Variants in RAP1GAP2 observed in about 807,000 individuals in gnomAD.
RAP1GAP2 encodes the protein RAP1 GTPase activating protein 2.
A neutral mutation model predicts 95.0 loss-of-function variants in RAP1GAP2; 27 were observed. The ratio of observed to expected loss-of-function variants is 0.28; its 90% CI spans 0.21 to 0.39. The LOEUF (loss-of-function observed/expected upper bound fraction) is 0.39. Ranked by LOEUF, RAP1GAP2 falls within the 10% of genes least tolerant of loss-of-function variation. RAP1GAP2 has a pLI of 1.00. For missense variants in RAP1GAP2, 771 were observed against 970.0 expected, an observed-to-expected ratio of 0.79 and a Z score of 2.72; for synonymous variants, 373 against 380.9, an observed-to-expected ratio of 0.98 and a Z score of 0.24.
At chr17:2,887,684 T>TG (rs2073547706) in intron 2 of RAP1GAP2, among the ~76,000 whole-genome samples, 1 of 150,590 alleles carries the variant, frequency 6.6e-6, no homozygotes, top group Non-Finnish European at 1.5e-5. Flanking sequence ...TTTTTTGTTT[T>TG]TTTTTTTTGA....
In RAP1GAP2 at chr17:2,870,309, G is replaced by A. The variant is rs567830118; in HGVS notation, c.81-34975G>A. Among the ~76,000 whole-genome samples the A allele has an allele frequency of 2.0e-5, 3 of 151,956 alleles. No individual in the cohort carries two copies. The highest frequency in any genetic ancestry group is 2.9e-5 in the Non-Finnish European group (2 of 67,980). The stretch of plus-strand genomic sequence containing the variant: ...TTTTTTTGTATTTTTAGTAAATACG[G>A]GGTTTTACTATGTTGGCCAGGCTGG... On this transcript the variant is annotated intron_variant, in intron 2 of 24. Coordinates refer to ENST00000254695, the MANE Select transcript of RAP1GAP2 (RefSeq NM_015085.5). The surrounding 1 kb of genome is among the most constrained non-coding windows in gnomAD (Gnocchi z 4.4).
At chr17:2,885,209 T>A (rs907622862) in intron 2 of RAP1GAP2, among the ~76,000 whole-genome samples, 1 of 152,046 alleles carries the variant, frequency 6.6e-6, no homozygotes, top group Non-Finnish European at 1.5e-5. Context: ...ATTTTTTGTA[T>A]TTCTGGTAGA....
rs527476563 is a variant in RAP1GAP2 at position 2,796,867 on chromosome 17, C to T, written c.44+296C>T. ...AGTTGAATGTGTGTGTCTCTGTGTC[C>T]GCAGGTTCCCATGTATGTGTGTGCG... On this transcript the variant is annotated intron_variant, in intron 1 of 24. Transcript: ENST00000254695. This position sits in a 1 kb window ranked among gnomAD's most constrained non-coding sequence, Gnocchi z 4.7. Among the ~76,000 whole-genome samples, 8 of 152,060 alleles carry T rather than the reference C, an allele frequency of 5.3e-5. No homozygotes were observed. The East Asian group carries it at 9.7e-4, about 18-fold the overall frequency.
intron 1 of RAP1GAP2, among the ~76,000 whole-genome samples, chr17:2,763,986 T>G (rs2068232578): frequency 6.6e-6 from 1 of 152,112 alleles, no homozygotes. Context: ...AGAGACCCTG[T>G]GCCTCTGCTG....
At chr17:2,927,433 G>GT (rs1318748008) in intron 3 of RAP1GAP2, among the ~76,000 whole-genome samples, 2 of 151,688 alleles carry the variant, frequency 1.3e-5, no homozygotes, top group African/African-American at 4.8e-5. Flanking sequence ...GATTACAGGC[G>GT]TGAGCCACCG....
At chr17:3,032,472 T>C in intron 24 of RAP1GAP2, 23 bp downstream of exon 24, 2 of 1,607,340 alleles carry the variant, frequency 1.2e-6, no homozygotes, top group Non-Finnish European at 1.7e-6. Context: ...AATGTCCTGC[T>C]GTGGCCGTGA....
rs1031614832 is a variant in RAP1GAP2, at chr17:3,027,483, G to A, written c.2107+413G>A. Among the ~76,000 whole-genome samples the A allele has an allele frequency of 2.6e-5, 4 of 152,120 alleles. No individual in the cohort carries two copies. The highest frequency in any genetic ancestry group is 2.6e-4 in the Admixed American group (4 of 15,264). ...GATAATACAAGACGGGGGAAGGGCT[G>A]CAGGGGGAGGGAACAGCATGTGGAA... On this transcript the variant is annotated intron_variant, in intron 22 of 24. Transcript: ENST00000254695. The surrounding 1 kb of genome is among the most constrained non-coding windows in gnomAD (Gnocchi z 5.2).
At chr17:2,982,429 G>T (rs1212609242) in intron 10 of RAP1GAP2, among the ~76,000 whole-genome samples, 1 of 152,184 alleles carries the variant, frequency 6.6e-6, no homozygotes, top group African/African-American at 2.4e-5. Context: ...GAGCCACCTC[G>T]CCCGGCTGGA....
intron 10 of RAP1GAP2, 140 bp downstream of exon 10, chr17:2,981,388 C>T: frequency 1.3e-6 from 1 of 756,966 alleles, no homozygotes; most frequent in Non-Finnish European, 2.1e-6. Context: ...TCCCTCTCTC[C>T]CTGCCCACCC....
chr17:2,884,492 C>T (rs2073416459), intron 2 of RAP1GAP2, among the ~76,000 whole-genome samples: 1 of 151,706 alleles, frequency 6.6e-6, no homozygotes, highest in Admixed American at 6.6e-5. Flanking sequence ...CCTGCCTCAG[C>T]CTCCCAAGTA....
intron 1 of RAP1GAP2, among the ~76,000 whole-genome samples, chr17:2,783,585 T>A (rs2068706658): frequency 6.6e-6 from 1 of 152,234 alleles, no homozygotes; most frequent in Non-Finnish European, 1.5e-5. Context: ...TGGAGCCAGC[T>A]TGCTTGGTTC....
At chr17:3,017,300 TG>T (rs1450106147) in intron 17 of RAP1GAP2, among the ~76,000 whole-genome samples, 1 of 152,070 alleles carries the variant, frequency 6.6e-6, no homozygotes, top group East Asian at 1.9e-4. Context: ...CCCTTGCTCC[TG>T]GGTGGCCTGA....
intron 3 of RAP1GAP2, among the ~76,000 whole-genome samples, chr17:2,925,068 C>T (rs923460290): frequency 3.3e-5 from 5 of 152,126 alleles, no homozygotes; most frequent in South Asian, 2.1e-4. Flanking sequence ...TGGTCAGTTC[C>T]GTGGTCTGGA....
In RAP1GAP2 at chr17:3,004,785, G is replaced by C. The variant is rs1338639518; in HGVS notation, c.1201-584G>C. ...GGGCCCTACCCTTCCGATTCGGCAG[G>C]TTTAGGCCAGAGCCCATGAACCCAG... On this transcript the variant is annotated intron_variant, in intron 14 of 24. Coordinates refer to ENST00000254695, the MANE Select transcript of RAP1GAP2 (RefSeq NM_015085.5). This position sits in a 1 kb window ranked among gnomAD's most constrained non-coding sequence, Gnocchi z 4.1. Among the ~76,000 whole-genome samples the C allele has an allele frequency of 6.6e-6, 1 of 152,240 alleles. No individual in the cohort carries two copies. Among genetic ancestry groups the C allele is most frequent in the South Asian group, 2.1e-4 (1 of 4,832 alleles).
intron 1 of RAP1GAP2, among the ~76,000 whole-genome samples, chr17:2,760,725 G>A (rs956429886): frequency 2.6e-5 from 4 of 151,326 alleles, no homozygotes; most frequent in African/African-American, 9.8e-5. Flanking sequence ...TCAAGATACC[G>A]CATTACGTTT....
rs867381663 is a variant in RAP1GAP2, at chr17:2,998,331, C to T, written c.1155C>T (p.Ile385=). The T allele has an allele frequency of 1.2e-5, 19 of 1,613,930 alleles. No individual in the cohort carries two copies. The highest frequency in any genetic ancestry group is 5.3e-5 in the African/African-American group (4 of 74,932). ...CCTCCAATTTCTTACATGCCTACAT[C>T]GTCGTGCAGGTCGAGACCCCAGGCA... is the stretch of plus-strand genomic sequence containing the variant. ...MIASNFLHAY[I]VVQVETPGTE... is the part of the protein sequence containing the mutation. Residue 385 remains isoleucine, a synonymous_variant, in exon 14 of 25, where the codon ATC becomes ATT. Coordinates refer to ENST00000254695, the MANE Select transcript of RAP1GAP2 (RefSeq NM_015085.5).
At chr17:2,926,125 C>CAAAA (rs990593437) in intron 3 of RAP1GAP2, among the ~76,000 whole-genome samples, 1 of 59,664 alleles carries the variant, frequency 1.7e-5, no homozygotes, top group African/African-American at 5.3e-5. Context: ...GCCTCTGTCT[C>CAAAA]AAAAAAAAAA....
chr17:2,897,270 G>A (rs1011421119), intron 2 of RAP1GAP2, among the ~76,000 whole-genome samples: 7 of 152,018 alleles, frequency 4.6e-5, no homozygotes, highest in South Asian at 2.1e-4. Flanking sequence ...CCCAGGAGGC[G>A]GAGGCTGCAG....
chr17:2,809,954 C>G (rs1265256845), intron 2 of RAP1GAP2, among the ~76,000 whole-genome samples: 1 of 151,530 alleles, frequency 6.6e-6, no homozygotes, highest in South Asian at 2.1e-4. Flanking sequence ...GGGCAGCTAG[C>G]AGGGAGTTGG....
Sources: gnomAD v4.1 joint callset for allele counts (sites outside exome capture counted in the v4.1 genomes callset) on GRCh38, gnomAD v4.1.1 for gene constraint, Gnocchi (gnomAD v3.1) non-coding constraint, MANE v1.5 for transcripts, NCBI Gene and HGNC (gene_info 2026-07-23, HGNC 2026-07-21) for gene names.